Variants in FMNL2 observed in about 807,000 individuals in gnomAD.
FMNL2 encodes the protein formin like 2, also known as formin-like protein 2.
A neutral mutation model predicts 130.2 loss-of-function variants in FMNL2; 51 were observed. The ratio of observed to expected loss-of-function variants is 0.39; its 90% CI spans 0.31 to 0.49. The LOEUF (loss-of-function observed/expected upper bound fraction) is 0.49, where lower values mean the gene tolerates loss of function less well. FMNL2 is among the 20% of genes least tolerant of loss of function. The probability of loss-of-function intolerance (pLI) is 0.85; values close to 1 mark genes in which losing one functional copy is unlikely to be tolerated. For missense variants in FMNL2, 977 were observed against 1,316.2 expected (o/e 0.74, Z 3.99); for synonymous variants, 465 against 467.1 (o/e 1.00, Z 0.06).
intron 9 of FMNL2, among the ~76,000 whole-genome samples, chr2:152,587,853 G>C (rs1018732185): frequency 6.6e-6 from 1 of 152,190 alleles, no homozygotes; most frequent in African/African-American, 2.4e-5. Flanking sequence ...TTAAAAGAGA[G>C]CCTCCCAGGC....
chr2:152,452,891 G>T (rs942398833), intron 1 of FMNL2, among the ~76,000 whole-genome samples: 4 of 148,694 alleles, frequency 2.7e-5, no homozygotes, highest in African/African-American at 4.9e-5. Flanking sequence ...CCTCAGTGTG[G>T]TGCTGGATTA....
At chr2:152,423,228 C>A (rs1237976221) in intron 1 of FMNL2, among the ~76,000 whole-genome samples, 3 of 152,156 alleles carry the variant, frequency 2.0e-5, no homozygotes, top group Non-Finnish European at 2.9e-5. Context: ...ATAGCACTCA[C>A]CATATGTCAG....
intron 1 of FMNL2, among the ~76,000 whole-genome samples, chr2:152,432,397 C>G (rs1687547007): frequency 6.6e-6 from 1 of 152,146 alleles, no homozygotes; most frequent in Admixed American, 6.5e-5. Flanking sequence ...TTCTTAAGGT[C>G]TGATACACCC....
At chr2:152,372,664 A>G (rs992369712) in intron 1 of FMNL2, among the ~76,000 whole-genome samples, 9 of 152,154 alleles carry the variant, frequency 5.9e-5, no homozygotes, top group Non-Finnish European at 1.3e-4. Flanking sequence ...CTGACCTTGC[A>G]CTTCTGAGAA....
chr2:152,512,207 T>C (rs754187558), intron 1 of FMNL2, among the ~76,000 whole-genome samples: 22 of 152,154 alleles, frequency 1.4e-4, no homozygotes, highest in Admixed American at 2.6e-4. Flanking sequence ...GGTGAAGAGT[T>C]CTTTGAAATC....
At chr2:152,554,223 A>G (rs1695090001) in intron 4 of FMNL2, among the ~76,000 whole-genome samples, 1 of 152,186 alleles carries the variant, frequency 6.6e-6, no homozygotes, top group African/African-American at 2.4e-5. Context: ...CCTGGGTAAC[A>G]TGGTGAACCC....
At chr2:152,467,288 G>T (rs1472925013) in intron 1 of FMNL2, among the ~76,000 whole-genome samples, 2 of 152,164 alleles carry the variant, frequency 1.3e-5, no homozygotes, top group Non-Finnish European at 1.5e-5. Context: ...AACCTGTTCA[G>T]TAATTCTTGT....
chr2:152,639,913 T>A (rs1344066140), intron 23 of FMNL2, 45 bp from the exon 24 acceptor site: 3 of 1,501,848 alleles, frequency 2.0e-6, no homozygotes, highest in Non-Finnish European at 2.7e-6. Flanking sequence ...TTGGCTGCTC[T>A]CATTTCCATT....
intron 2 of FMNL2, among the ~76,000 whole-genome samples, chr2:152,538,567 A>G (rs750117072): frequency 6.6e-6 from 1 of 152,228 alleles, no homozygotes; most frequent in African/African-American, 2.4e-5. Context: ...GGCGTGAGCC[A>G]CTGCACCCAG....
intron 10 of FMNL2, 91 bp downstream of exon 10, chr2:152,607,504 CACA>C: frequency 1.3e-6 from 1 of 772,166 alleles, no homozygotes; most frequent in South Asian, 1.8e-5. Flanking sequence ...CACACACACA[CACA>C]TATTTATATT....
intron 1 of FMNL2, among the ~76,000 whole-genome samples, chr2:152,473,700 T>C (rs529491805): frequency 9.3e-4 from 141 of 152,344 alleles, no homozygotes; most frequent in African/African-American, 3.3e-3. Flanking sequence ...TTATTTCATA[T>C]TGCATATGCA....
chr2:152,359,254 A>G (rs560743373), intron 1 of FMNL2, among the ~76,000 whole-genome samples: 2 of 152,288 alleles, frequency 1.3e-5, no homozygotes, highest in East Asian at 3.9e-4. Context: ...TGTGCTTTTA[A>G]TGTATTTAAT....
chr2:152,393,244 G>A (rs1037338005), intron 1 of FMNL2, among the ~76,000 whole-genome samples: 2 of 152,136 alleles, frequency 1.3e-5, no homozygotes, highest in African/African-American at 4.8e-5. Context: ...CACATTAAAT[G>A]TACATGATTA....
In FMNL2 at chr2:152,549,032, G is replaced by C. The variant is rs376652298; in HGVS notation, c.294G>C (p.Arg98=). ...TTCTTGAATTATAGAAATTCAGACG[G>C]CGTGTTCAAGAATCTACACAAGTGC... is the stretch of plus-strand genomic sequence containing the variant. ...DPAVTRKKFR[R]RVQESTQVLR... The change falls in exon 4 of 26, where the codon CGG becomes CGC. Residue 98 remains arginine, a synonymous_variant. Coordinates refer to ENST00000288670, the MANE Select transcript of FMNL2 (RefSeq NM_052905.4). The C allele has an allele frequency of 2.5e-6, 4 of 1,606,850 alleles. No individual in the cohort carries two copies. In the South Asian group the frequency reaches 4.5e-5, roughly 18 times the overall value.
chr2:152,523,022 G>A (rs1579874808), intron 2 of FMNL2, among the ~76,000 whole-genome samples: 1 of 151,988 alleles, frequency 6.6e-6, no homozygotes, highest in Admixed American at 6.6e-5. Context: ...CCGTGTGCAC[G>A]CAAATATTAA....
At chr2:152,574,843 A>G (rs1388702837) in intron 6 of FMNL2, among the ~76,000 whole-genome samples, 4 of 152,204 alleles carry the variant, frequency 2.6e-5, no homozygotes, top group African/African-American at 4.8e-5. Context: ...GATTAAGAAG[A>G]TGATATATGC....
At chr2:152,501,939 T>A (rs1294666554) in intron 1 of FMNL2, among the ~76,000 whole-genome samples, 1 of 152,262 alleles carries the variant, frequency 6.6e-6, no homozygotes, top group Non-Finnish European at 1.5e-5. Flanking sequence ...AAACTGTAAC[T>A]GCATGGTAGC....
At chr2:152,556,991 G>C (rs893383282) in intron 4 of FMNL2, among the ~76,000 whole-genome samples, 5 of 151,906 alleles carry the variant, frequency 3.3e-5, no homozygotes, top group Non-Finnish European at 7.4e-5. Flanking sequence ...CCTAAGCAAG[G>C]CTAAGGGGCT....
At chr2:152,490,219 G>A (rs1188830872) in intron 1 of FMNL2, among the ~76,000 whole-genome samples, 3 of 151,814 alleles carry the variant, frequency 2.0e-5, no homozygotes, top group African/African-American at 4.8e-5. Flanking sequence ...GCATAGAAGT[G>A]AGCATGAGGC....
Sources: gnomAD v4.1 joint callset for allele counts (sites outside exome capture counted in the v4.1 genomes callset) on GRCh38, gnomAD v4.1.1 for gene constraint, MANE v1.5 for transcripts, NCBI Gene and HGNC (gene_info 2026-07-23, HGNC 2026-07-21) for gene names.